The following ARSF variants were observed in gnomAD, a reference collection of about 807,000 sequenced individuals.
The protein encoded by ARSF is arylsulfatase F.
Under a neutral mutation model 35.4 loss-of-function variants are expected in ARSF, and 33 were observed. The ratio of observed to expected loss-of-function variants is 0.93; its 90% CI spans 0.71 to 1.25. ARSF has a LOEUF of 1.25. ARSF is among the 50% of genes most tolerant of loss of function. The probability of loss-of-function intolerance (pLI) is 0.00; values close to 1 mark genes in which losing one functional copy is unlikely to be tolerated. For synonymous variants in ARSF, 222 were observed against 193.1 expected, an observed-to-expected ratio of 1.15 and a Z score of -1.24; for missense variants, 501 against 480.2, an observed-to-expected ratio of 1.04 and a Z score of -0.40.
chrX:3,100,402 G>A (rs1243850769), intron 7 of ARSF, among the ~76,000 whole-genome samples: 1 of 111,829 alleles, frequency 8.9e-6, no homozygotes, highest in African/African-American at 3.2e-5. Context: ...ACAGTCCTTC[G>A]TTTCATATCC....
At chrX:3,083,530 CCA>C (rs1569140907) in intron 5 of ARSF, among the ~76,000 whole-genome samples, 11 of 24,229 alleles carry the variant, frequency 4.5e-4, no homozygotes, top group East Asian at 5.9e-3. Flanking sequence ...ATCTATCTAT[CCA>C]TCCATCCATC....
At chrX:3,084,765 T>A in intron 6 of ARSF, 99 bp downstream of exon 6, 7 of 814,444 alleles carry the variant, frequency 8.6e-6, no homozygotes, top group Non-Finnish European at 1.0e-5. Flanking sequence ...TATAATAATC[T>A]ATTGTACACT....
At chrX:3,078,931 C>T (rs2090174301) in intron 4 of ARSF, among the ~76,000 whole-genome samples, 1 of 110,725 alleles carries the variant, frequency 9.0e-6, no homozygotes, top group Non-Finnish European at 1.9e-5. Context: ...ATGAAGCAAT[C>T]ACTCCCCATT....
chrX:3,078,374 G>T (rs1043137767), intron 4 of ARSF, among the ~76,000 whole-genome samples: 1 of 110,298 alleles, frequency 9.1e-6, no homozygotes, highest in Non-Finnish European at 1.9e-5. Flanking sequence ...ACTACTTAGG[G>T]TATTGCTGTG....
chrX:3,092,906 C>G (rs1001035510), intron 7 of ARSF, among the ~76,000 whole-genome samples: 3 of 112,279 alleles, frequency 2.7e-5, no homozygotes, highest in African/African-American at 9.7e-5. Flanking sequence ...GGCGCGGTGG[C>G]TCACGCCTGT....
chrX:3,091,078 C>A (rs1213854010), intron 7 of ARSF, among the ~76,000 whole-genome samples: 1 of 110,882 alleles, frequency 9.0e-6, no homozygotes, highest in Non-Finnish European at 1.9e-5. Context: ...CTGCGCCCGG[C>A]TAATTTTTGT....
chrX:3,075,241 G>A (rs1391662679), intron 3 of ARSF, among the ~76,000 whole-genome samples: 1 of 111,555 alleles, frequency 9.0e-6, no homozygotes, highest in African/African-American at 3.3e-5. Flanking sequence ...GTGGCACCCA[G>A]GTATATGAAC....
chrX:3,061,083 A>G (rs1379186577), intron 1 of ARSF, among the ~76,000 whole-genome samples: 1 of 112,090 alleles, frequency 8.9e-6, no homozygotes, highest in African/African-American at 3.2e-5. Context: ...AGGGAAGCCC[A>G]TCAGACTAAC....
intron 9 of ARSF, among the ~76,000 whole-genome samples, chrX:3,108,579 T>C (rs190880765): frequency 8.9e-6 from 1 of 112,436 alleles, no homozygotes; most frequent in East Asian, 2.8e-4. Flanking sequence ...CAGCTATTCA[T>C]TGCAAATATA....
intron 1 of ARSF, among the ~76,000 whole-genome samples, chrX:3,043,600 C>T (rs1418419079): frequency 9.0e-6 from 1 of 111,262 alleles, no homozygotes; most frequent in Non-Finnish European, 1.9e-5. Context: ...AGCTTTCCCT[C>T]TTTTGAAAAG....
intron 1 of ARSF, among the ~76,000 whole-genome samples, chrX:3,051,883 C>T (rs147270492): frequency 0.011 from 1,201 of 110,421 alleles, 20 homozygotes; most frequent in African/African-American, 0.037. Flanking sequence ...ATCACATCTA[C>T]TTGGGGGGCT....
rs200244823 is a variant in ARSF at position 3,080,865 on chromosome X, T to G, written c.284-26T>G. Reference sequence around the variant, plus strand: ...TCCCTCTGTAGCAACACCTACTCATTGTACTTTTTTCCACACTACATCTAG... The same window carrying G: ...TCCCTCTGTAGCAACACCTACTCATGGTACTTTTTTCCACACTACATCTAG... On this transcript the variant is annotated intron_variant, in intron 4 of 10. Transcript: ENST00000381127. The G allele has an allele frequency of 4.1e-6, 5 of 1,205,849 alleles. No individual in the cohort carries two copies. In the Admixed American group the frequency reaches 6.7e-5, roughly 16 times the overall value.
chrX:3,082,402 A>G lies in ARSF; in HGVS notation c.406+1389A>G, dbSNP rs189416130. On this transcript the variant is annotated intron_variant, in intron 5 of 10. Coordinates refer to ENST00000381127, the MANE Select transcript of ARSF (RefSeq NM_001201539.2). ...CATCCATCTACCTGTCTATCTATCT[A>G]CCTGTTTGTCTATTGATCAATCCAT... is the stretch of plus-strand genomic sequence containing the variant. Among the ~76,000 whole-genome samples the G allele has an allele frequency of 1.9e-3, 207 of 110,902 alleles. 2 individuals are homozygous for G. Among genetic ancestry groups the G allele is most frequent in the South Asian group, 0.015 (39 of 2,597 alleles).
chrX:3,057,373 C>T (rs1001307006), intron 1 of ARSF, among the ~76,000 whole-genome samples: 1 of 111,487 alleles, frequency 9.0e-6, no homozygotes, highest in African/African-American at 3.3e-5. Context: ...CTCTTCAGCT[C>T]CTGGAAGAGT....
intron 3 of ARSF, among the ~76,000 whole-genome samples, chrX:3,075,518 C>G (rs768911688): frequency 3.7e-5 from 4 of 108,216 alleles, no homozygotes; most frequent in South Asian, 8.5e-4. Context: ...CTGTCTCTCT[C>G]TGTCTCCCTC....
chrX:3,050,817 G>A (rs750058125), intron 1 of ARSF, among the ~76,000 whole-genome samples: 2 of 110,950 alleles, frequency 1.8e-5, no homozygotes, highest in African/African-American at 6.6e-5. Flanking sequence ...CACTTGAGGC[G>A]TTCTTCCCTT....
intron 3 of ARSF, among the ~76,000 whole-genome samples, chrX:3,075,476 CTCTG>C (rs1432842956): frequency 8.7e-5 from 6 of 68,769 alleles, no homozygotes; most frequent in Non-Finnish European, 1.0e-4. Flanking sequence ...TGTCACCCCT[CTCTG>C]TCTGCTTGTC....
At chrX:3,080,762 C>T in intron 4 of ARSF, 129 bp from the exon 5 acceptor site, 1 of 818,906 alleles carries the variant, frequency 1.2e-6, no homozygotes, top group Non-Finnish European at 1.7e-6. Context: ...ACCTCATCCC[C>T]TCCTAAAAGC....
chrX:3,066,195 G>T (rs750452303), intron 1 of ARSF, among the ~76,000 whole-genome samples: 12 of 111,787 alleles, frequency 1.1e-4, no homozygotes, highest in Non-Finnish European at 1.9e-4. Context: ...TTTAGAGAGG[G>T]TTATGTATGC....
Sources: allele counts gnomAD v4.1 joint callset (sites outside exome capture counted in the v4.1 genomes callset), GRCh38; gene constraint gnomAD v4.1.1; transcripts MANE v1.5; gene names NCBI Gene and HGNC (gene_info 2026-07-23, HGNC 2026-07-21).